ARHGAP18: variants seen among roughly 807,000 people sequenced by gnomAD.
ARHGAP18 encodes the protein Rho GTPase activating protein 18, also known as rho GTPase-activating protein 18.
Under a neutral mutation model 86.2 loss-of-function variants are expected in ARHGAP18, and 67 were observed. That is an observed-to-expected ratio of 0.78 (90% confidence interval 0.64 to 0.95). The LOEUF is 0.95. Ranked by LOEUF, ARHGAP18 falls within the 40% of genes least tolerant of loss-of-function variation. ARHGAP18 has a pLI of 0.00. For synonymous variants in ARHGAP18, 283 were observed against 280.4 expected (o/e 1.01, Z -0.09); for missense variants, 691 against 780.4 (o/e 0.89, Z 1.37).
intron 9 of ARHGAP18, among the ~76,000 whole-genome samples, chr6:129,607,292 A>G (rs1298606856): frequency 6.6e-6 from 1 of 152,174 alleles, no homozygotes; most frequent in Admixed American, 6.5e-5. Context: ...ACCTTATAAG[A>G]TCTAGGTTCA....
Position 129,608,278 on chromosome 6 carries a change from A to T in ARHGAP18, c.1123-226T>A, listed in dbSNP as rs987008757. On this transcript the variant is annotated intron_variant, in intron 8 of 14. Transcript: ENST00000368149. ...AAAAAACTGTACCTAAGGCCAAAAA[A>T]CATTTTAAAATTTATACTTTTTCCT... Among the ~76,000 whole-genome samples, 4 of 152,078 alleles carry T rather than the reference A, an allele frequency of 2.6e-5. No homozygotes were observed. In the East Asian group the frequency reaches 7.7e-4, roughly 29 times the overall value.
intron 13 of ARHGAP18, among the ~76,000 whole-genome samples, chr6:129,583,324 T>C (rs1006192748): frequency 1.3e-5 from 2 of 152,092 alleles, no homozygotes; most frequent in Non-Finnish European, 1.5e-5. Flanking sequence ...CTTGTTAGGA[T>C]CTCTAAAATA....
At chr6:129,613,543 T>A (rs1458068040) in intron 7 of ARHGAP18, among the ~76,000 whole-genome samples, 1 of 152,232 alleles carries the variant, frequency 6.6e-6, no homozygotes, top group Non-Finnish European at 1.5e-5. Flanking sequence ...TTTCATTAAG[T>A]ACACAGGAAA....
intron 1 of ARHGAP18, among the ~76,000 whole-genome samples, chr6:129,664,338 A>G (rs1774003202): frequency 6.6e-6 from 1 of 152,110 alleles, no homozygotes; most frequent in African/African-American, 2.4e-5. Flanking sequence ...ACTTTGATCA[A>G]GTCACCTACC....
chr6:129,626,105 C>CACACACATAT (rs1425322925), intron 5 of ARHGAP18, among the ~76,000 whole-genome samples: 6,495 of 124,206 alleles, frequency 0.052, 208 homozygotes, highest in Middle Eastern at 0.089. Flanking sequence ...CACACACACA[C>CACACACATAT]ATATATAGAA....
chr6:129,658,065 T>C (rs1773875920), intron 1 of ARHGAP18, among the ~76,000 whole-genome samples: 1 of 152,246 alleles, frequency 6.6e-6, no homozygotes, highest in African/African-American at 2.4e-5. Flanking sequence ...AAGGAACTAC[T>C]ACTGGAAGAG....
At chr6:129,633,827 T>C (rs1773267708) in intron 4 of ARHGAP18, among the ~76,000 whole-genome samples, 1 of 152,172 alleles carries the variant, frequency 6.6e-6, no homozygotes, top group African/African-American at 2.4e-5. Flanking sequence ...AAGATACGTA[T>C]ACGCATTTTG....
intron 12 of ARHGAP18, among the ~76,000 whole-genome samples, chr6:129,591,064 T>C (rs2114436975): frequency 6.6e-6 from 1 of 152,306 alleles, no homozygotes; most frequent in East Asian, 1.9e-4. Context: ...ACAAAGATGA[T>C]AAACAATAAA....
rs1294787341 is a variant in ARHGAP18 at position 129,666,291 on chromosome 6, C to T, written c.114-24273G>A. Among the ~76,000 whole-genome samples, 3 of 152,228 alleles carry T rather than the reference C, an allele frequency of 2.0e-5. No individual in the cohort carries two copies. In the East Asian group the frequency reaches 5.8e-4, roughly 29 times the overall value. ...CTCCGAAAGTAGAGAACTCCCCACACCAGAATGAGCGCTCAGATGCTGGGC... is the reference window on the plus strand; with the variant it reads ...CTCCGAAAGTAGAGAACTCCCCACATCAGAATGAGCGCTCAGATGCTGGGC... On this transcript the variant is annotated intron_variant, in intron 1 of 14. Transcript: ENST00000368149.
chr6:129,694,088 T>A (rs532110174), intron 1 of ARHGAP18, among the ~76,000 whole-genome samples: 1 of 152,210 alleles, frequency 6.6e-6, no homozygotes, highest in African/African-American at 2.4e-5. Context: ...GAATCCAGAC[T>A]GGCATAACTT....
In ARHGAP18 at chr6:129,668,395, CACACAG is replaced by C. The variant is rs763692018; in HGVS notation, c.114-26383_114-26378del. Among the ~76,000 whole-genome samples the C allele has an allele frequency of 3.2e-3, 439 of 139,286 alleles. 5 individuals are homozygous for C. Among genetic ancestry groups the C allele is most frequent in the Admixed American group, 9.1e-3 (120 of 13,158 alleles). 91.4% of individuals were successfully genotyped at this position (139,286 alleles called of 152,430 possible). On this transcript the variant is annotated intron_variant, in intron 1 of 14. Coordinates refer to ENST00000368149, the MANE Select transcript of ARHGAP18 (RefSeq NM_033515.3). The stretch of plus-strand genomic sequence containing the variant: ...ACACACACACACACACACACACACA[CACACAG>C]ACACACACACCATTAAAAACAGTCT...
intron 9 of ARHGAP18, among the ~76,000 whole-genome samples, chr6:129,606,320 G>A (rs761613168): frequency 3.3e-4 from 50 of 152,320 alleles, no homozygotes; most frequent in Non-Finnish European, 6.0e-4. Flanking sequence ...ATCAGGGTGC[G>A]TCCGTAACAG....
chr6:129,613,727 A>T (rs934539843), intron 7 of ARHGAP18, among the ~76,000 whole-genome samples: 3 of 152,220 alleles, frequency 2.0e-5, no homozygotes, highest in African/African-American at 7.2e-5. Flanking sequence ...TAACATTTTT[A>T]GCTACATTAT....
intron 5 of ARHGAP18, among the ~76,000 whole-genome samples, chr6:129,626,173 G>A (rs1220821986): frequency 6.8e-6 from 1 of 146,116 alleles, no homozygotes; most frequent in Non-Finnish European, 1.5e-5. Context: ...AATAAATTAT[G>A]ATACATCTGT....
intron 1 of ARHGAP18, among the ~76,000 whole-genome samples, chr6:129,653,977 A>G (rs1773774782): frequency 6.6e-6 from 1 of 152,200 alleles, no homozygotes; most frequent in South Asian, 2.1e-4. Context: ...CAGAACTTCA[A>G]GGCTACAGTG....
chr6:129,642,246 G>A (rs1562707203), intron 1 of ARHGAP18, among the ~76,000 whole-genome samples: 1 of 152,072 alleles, frequency 6.6e-6, no homozygotes, highest in Non-Finnish European at 1.5e-5. Context: ...TAGCAACATG[G>A]TAAATTATTT....
At chr6:129,698,052 A>C (rs376542483) in intron 1 of ARHGAP18, among the ~76,000 whole-genome samples, 1 of 152,168 alleles carries the variant, frequency 6.6e-6, no homozygotes, top group Non-Finnish European at 1.5e-5. Context: ...CAATTACTCA[A>C]CTACAAATTC....
intron 1 of ARHGAP18, among the ~76,000 whole-genome samples, chr6:129,655,259 C>T (rs1773802046): frequency 2.3e-5 from 3 of 130,590 alleles, no homozygotes; most frequent in East Asian, 2.5e-4. Flanking sequence ...ATGGAGGTTG[C>T]GGTGAGCTGA....
chr6:129,626,065 T>TACACAC (rs71028169), intron 5 of ARHGAP18, among the ~76,000 whole-genome samples: 26,940 of 101,190 alleles, frequency 0.27, 4,079 homozygotes, highest in South Asian at 0.35. Context: ...TATACACATA[T>TACACAC]ACACACACAC....
Sources: allele counts gnomAD v4.1 joint callset (sites outside exome capture counted in the v4.1 genomes callset), GRCh38; gene constraint gnomAD v4.1.1; transcripts MANE v1.5; gene names NCBI Gene and HGNC (gene_info 2026-07-23, HGNC 2026-07-21).